The following HPS4 variants were observed in gnomAD, a reference collection of about 807,000 sequenced individuals.
HPS4 encodes the protein HPS4 biogenesis of lysosomal organelles complex 3 subunit 2.
HPS4 carries 44 observed loss-of-function variants against 70.3 expected under a neutral mutation model. The ratio of observed to expected loss-of-function variants is 0.63; its 90% CI spans 0.49 to 0.80. The LOEUF is 0.80. Ranked by LOEUF, HPS4 falls within the 30% of genes least tolerant of loss-of-function variation. HPS4 has a pLI of 0.00. For missense variants in HPS4, 873 were observed against 884.4 expected (o/e 0.99, Z 0.16); for synonymous variants, 377 against 355.9 (o/e 1.06, Z -0.67).
At chr22:26,461,334 G>C (rs1367032593) in intron 11 of HPS4, among the ~76,000 whole-genome samples, 2 of 152,198 alleles carry the variant, frequency 1.3e-5, no homozygotes, top group African/African-American at 4.8e-5. Flanking sequence ...TCTGATCACT[G>C]TGTTTGAAGG....
At chr22:26,466,406 G>T in intron 8 of HPS4, 144 bp from the exon 9 acceptor site, 2 of 880,584 alleles carry the variant, frequency 2.3e-6, no homozygotes, top group Non-Finnish European at 3.7e-6. Context: ...GAGCCAAGCA[G>T]ATGGAACAGA....
At chr22:26,454,918 G>A (rs890270805) in intron 13 of HPS4, among the ~76,000 whole-genome samples, 51 of 151,766 alleles carry the variant, frequency 3.4e-4, no homozygotes, top group Admixed American at 1.1e-3. Flanking sequence ...AAAAGTGGGC[G>A]AAGGATATGA....
Position 26,483,746 on chromosome 22 carries a change from T to A in HPS4, c.-551A>T. 1 of 490,486 alleles carries A rather than the reference T, an allele frequency of 2.0e-6. No homozygotes were observed. Among genetic ancestry groups the A allele is most frequent in the Non-Finnish European group, 3.3e-6 (1 of 305,348 alleles). 30.4% of individuals were successfully genotyped at this position (490,486 alleles called of 1,614,324 possible). A position where few individuals can be genotyped will look rare whatever the true frequency, so the allele number is the denominator to read the frequency against. ...GAAATGTGGGCAGCAGCTGGGTACC[T>A]GCGACTTCTGCCCCGTACCTGCGCG... On this transcript the variant is annotated 5_prime_UTR_variant, in exon 1 of 14. Transcript: ENST00000398145.
intron 13 of HPS4, chr22:26,453,655 C>T (rs1421234330): frequency 1.8e-5 from 10 of 546,594 alleles, no homozygotes; most frequent in Non-Finnish European, 3.3e-5. Flanking sequence ...GCAGCAGCCA[C>T]AGATCCTGGA....
At chr22:26,473,080 T>G in intron 4 of HPS4, 141 bp from the exon 5 acceptor site, 1 of 719,626 alleles carries the variant, frequency 1.4e-6, no homozygotes, top group Non-Finnish European at 2.5e-6. Context: ...GTCCACACCC[T>G]TCATTCTGGC....
At chr22:26,445,914 G>A (rs1014874444), downstream of HPS4, among the ~76,000 whole-genome samples, 8 of 152,142 alleles carry the variant, frequency 5.3e-5, no homozygotes, top group Non-Finnish European at 1.0e-4. Flanking sequence ...AGACAGGGGG[G>A]TCTCCCAGCC....
intron 8 of HPS4, 162 bp downstream of exon 8, chr22:26,468,389 G>A: frequency 2.9e-6 from 2 of 684,206 alleles, no homozygotes; most frequent in Non-Finnish European, 5.4e-6. Context: ...CCTCACCAAT[G>A]GCTTCACTAC....
chr22:26,471,005 C>A, intron 6 of HPS4, 192 bp from the exon 7 acceptor site: 1 of 1,225,510 alleles, frequency 8.2e-7, no homozygotes, highest in African/African-American at 1.5e-5. Flanking sequence ...GAACTGCTGA[C>A]ACCACTAAAT....
chr22:26,479,393 T>C (rs1325310706), intron 2 of HPS4, 38 bp from the exon 3 acceptor site: 1 of 1,609,774 alleles, frequency 6.2e-7, no homozygotes, highest in Non-Finnish European at 8.5e-7. Flanking sequence ...TTTCCTTTAA[T>C]CCAGTGATCA....
downstream of HPS4, among the ~76,000 whole-genome samples, chr22:26,448,611 C>T (rs779657700): frequency 2.5e-4 from 38 of 152,324 alleles, no homozygotes; most frequent in South Asian, 2.1e-3. Flanking sequence ...TGCAACTTTT[C>T]GGCTTATACC....
chr22:26,455,795 T>A (rs1361486218), intron 13 of HPS4, among the ~76,000 whole-genome samples: 1 of 151,748 alleles, frequency 6.6e-6, no homozygotes, highest in Admixed American at 6.6e-5. Context: ...ATTGAAATAA[T>A]CTCTCAACAA....
chr22:26,471,090 G>C (rs1358589400), intron 6 of HPS4: 1 of 541,226 alleles, frequency 1.8e-6, no homozygotes, highest in Non-Finnish European at 3.3e-6. Context: ...CTATTCAAAG[G>C]GGTCAAAGTA....
At chr22:26,483,590 C>A in intron 1 of HPS4, 84 bp downstream of exon 1, 1 of 234,230 alleles carries the variant, frequency 4.3e-6, no homozygotes, top group Non-Finnish European at 8.2e-6. Flanking sequence ...GGGCGAACGC[C>A]TAAGGATTAG....
At chr22:26,455,784 T>C (rs1297825058) in intron 13 of HPS4, among the ~76,000 whole-genome samples, 1 of 152,118 alleles carries the variant, frequency 6.6e-6, no homozygotes, top group Non-Finnish European at 1.5e-5. Flanking sequence ...CTATTACTGT[T>C]ATTGAAATAA....
In HPS4 at chr22:26,464,237, T is replaced by A. The variant is rs2087973871; in HGVS notation, c.1393A>T (p.Thr465Ser). ...IPRADPLPRRTRRPLLLPRLD... is the reference protein window; with the variant it reads ...IPRADPLPRRSRRPLLLPRLD... ...CGAGGCAATAACAAGGGCCTGCGGG[T>A]CCTTCTGGGGAGAGGGTCTGCTCTG... The change falls in exon 11 of 14, where the codon ACC becomes TCC. Residue 465 changes from threonine to serine, a missense_variant. By Grantham distance (58) the Thr-to-Ser change is moderately conservative. Coordinates refer to ENST00000398145, the MANE Select transcript of HPS4 (RefSeq NM_022081.6). 5 of 1,614,144 alleles carry A rather than the reference T, an allele frequency of 3.1e-6. No homozygotes were observed. Among genetic ancestry groups the A allele is most frequent in the Non-Finnish European group, 4.2e-6 (5 of 1,180,032 alleles).
chr22:26,444,752 A>G (rs2084897943), intron 3 of HPS4: 1 of 152,244 alleles, frequency 6.6e-6, no homozygotes, highest in South Asian at 2.1e-4. Context: ...GTGTGCAAAG[A>G]GCACGTCTAC....
In HPS4 at chr22:26,451,004, G is replaced by A. The variant is rs1439468357; in HGVS notation, c.*2229C>T. 1.3e-5 allele frequency among the ~76,000 whole-genome samples: 2 copies of A among 152,192 alleles called. No homozygotes were observed. The highest frequency in any genetic ancestry group is 2.9e-5 in the Non-Finnish European group (2 of 68,046). ...TACAGTTCACAGGTGGCAGATGGCT[G>A]GCACAGAGGAAGCCAAAACAGAGGC... is the stretch of plus-strand genomic sequence containing the variant. On this transcript the variant is annotated 3_prime_UTR_variant, in exon 14 of 14. Coordinates refer to ENST00000398145, the MANE Select transcript of HPS4 (RefSeq NM_022081.6).
downstream of HPS4, among the ~76,000 whole-genome samples, chr22:26,446,486 C>A (rs1045762601): frequency 6.6e-6 from 1 of 152,186 alleles, no homozygotes; most frequent in Non-Finnish European, 1.5e-5. Context: ...AAAGCACACA[C>A]CCCACTCCCA....
chr22:26,474,422 C>T (rs2090254701), intron 4 of HPS4, among the ~76,000 whole-genome samples: 1 of 150,702 alleles, frequency 6.6e-6, no homozygotes, highest in African/African-American at 2.4e-5. Context: ...ACACCATTCA[C>T]AAATATTAAC....
Sources: allele counts gnomAD v4.1 joint callset (sites outside exome capture counted in the v4.1 genomes callset), GRCh38; gene constraint gnomAD v4.1.1; transcripts MANE v1.5; gene names NCBI Gene and HGNC (gene_info 2026-07-23, HGNC 2026-07-21).